TMEM107: variants seen among roughly 807,000 people sequenced by gnomAD.
TMEM107 encodes transmembrane protein 107.
A neutral mutation model predicts 16.8 loss-of-function variants in TMEM107; 18 were observed. The observed-to-expected ratio is 1.07, with a 90% confidence interval of 0.74 to 1.59. The LOEUF (loss-of-function observed/expected upper bound fraction) is 1.59. Ranked by LOEUF, TMEM107 falls within the 40% of genes most tolerant of loss-of-function variation. The pLI is 0.00. For missense variants in TMEM107, 152 were observed against 175.4 expected, an observed-to-expected ratio of 0.87 and a Z score of 0.75; for synonymous variants, 68 against 71.6, an observed-to-expected ratio of 0.95 and a Z score of 0.25.
Position 8,173,261 on chromosome 17 carries a change from T to C in TMEM107, c.*942A>G. On this transcript the variant is annotated 3_prime_UTR_variant, in exon 5 of 5. Coordinates refer to ENST00000437139, the MANE Select transcript of TMEM107 (RefSeq NM_183065.4). Reference sequence around the variant, plus strand: ...ATTTGTATTATTTCACTGCCTAAATTCCAGAAAGCAACAAAAACCAAATCA... The same window carrying C: ...ATTTGTATTATTTCACTGCCTAAATCCCAGAAAGCAACAAAAACCAAATCA... The C allele has an allele frequency of 1.9e-6, 1 of 518,678 alleles. No individual in the cohort carries two copies. Among genetic ancestry groups the C allele is most frequent in the South Asian group, 2.6e-5 (1 of 38,984 alleles). The allele number at this position is 518,678 out of a possible 1,614,324, so 32.1% of individuals were successfully genotyped here.
rs181334320 is a variant in TMEM107, at chr17:8,173,473, G to A, written c.*730C>T. ...GAAAGAATCAGACAGGAGCAATCAG[G>A]GTGTTGCAAGTCCTGATTACGCAGA... On this transcript the variant is annotated 3_prime_UTR_variant, in exon 5 of 5. Transcript: ENST00000437139. The A allele has an allele frequency of 3.5e-3, 2,647 of 764,556 alleles. 8 individuals carry two copies. The highest frequency in any genetic ancestry group is 4.1e-3 in the Non-Finnish European group (1,704 of 417,890). The allele number at this position is 764,556 out of a possible 1,614,324, so 47.4% of individuals were successfully genotyped here. A position where few individuals can be genotyped will look rare whatever the true frequency, so the allele number is the denominator to read the frequency against.
intron 3 of TMEM107, 33 bp from the exon 4 acceptor site, chr17:8,174,649 G>C: frequency 6.3e-7 from 1 of 1,594,982 alleles, no homozygotes; most frequent in Non-Finnish European, 8.6e-7. Flanking sequence ...GAAAGTCTTT[G>C]GATCGACAGA....
intron 3 of TMEM107, chr17:8,175,448 G>A (rs535017316): frequency 3.6e-5 from 21 of 581,704 alleles, no homozygotes; most frequent in African/African-American, 2.6e-4. Context: ...CCTCCTCATT[G>A]TAAAAAGAAA....
Position 8,174,210 on chromosome 17 carries a change from G to A in TMEM107, c.416C>T (p.Pro139Leu). 6.2e-7 allele frequency: 1 copy of A among 1,614,032 alleles called. No individual in the cohort carries two copies. The highest frequency in any genetic ancestry group is 1.6e-4 in the Middle Eastern group (1 of 6,062). ...FVTVFGLKKK[P>L]F ...TTCCCGTCATGAAGGTAATCAGAAG[G>A]GTTTCTTTTTCAGCCCAAAGACGGT... The change falls in exon 5 of 5, where the codon CCC (proline) becomes CTC (leucine). Residue 139 changes from proline (P) to leucine (L), a missense_variant. Physicochemically the swap from Pro to Leu is moderately conservative, Grantham distance 98 (BLOSUM62 -3). Transcript: ENST00000437139.
chr17:8,173,526 A>AATCATCATGTTCT lies in TMEM107; in HGVS notation c.*664_*676dup. 1.3e-6 allele frequency: 1 copy of AATCATCATGTTCT among 765,428 alleles called. No individual in the cohort carries two copies. Among genetic ancestry groups the AATCATCATGTTCT allele is most frequent in the South Asian group, 1.3e-5 (1 of 74,620 alleles). The allele number at this position is 765,428 out of a possible 1,614,324, so 47.4% of individuals were successfully genotyped here. A position where few individuals can be genotyped will look rare whatever the true frequency, so the allele number is the denominator to read the frequency against. On this transcript the variant is annotated 3_prime_UTR_variant, in exon 5 of 5. Transcript: ENST00000437139. The stretch of plus-strand genomic sequence containing the variant: ...CGTTAATCACGTTTCATGCATCTCC[A>AATCATCATGTTCT]ATCATCATGTTCTAATCTGCCCTCC...
At position 8,173,381 on chromosome 17, in the gene TMEM107, T is replaced by A. The variant is rs201782644; in HGVS notation, c.*822A>T. On this transcript the variant is annotated 3_prime_UTR_variant, in exon 5 of 5. Transcript: ENST00000437139. The stretch of plus-strand genomic sequence containing the variant: ...TAGACAAACAGCAAGGTTATCCCAG[T>A]CAGAACTTCATAGCTATGTTTGTGG... 6 of 681,150 alleles carry A rather than the reference T, an allele frequency of 8.8e-6. No individual in the cohort carries two copies. Among genetic ancestry groups the A allele is most frequent in the East Asian group, 2.6e-5 (1 of 38,360 alleles). 42.2% of individuals were successfully genotyped at this position (681,150 alleles called of 1,614,324 possible).
Position 8,173,575 on chromosome 17 carries a change from TC to T in TMEM107, c.*627del. 1 of 764,828 alleles carries T rather than the reference TC, an allele frequency of 1.3e-6. No individual in the cohort carries two copies. 47.4% of individuals were successfully genotyped at this position (764,828 alleles called of 1,614,324 possible). Reference sequence around the variant, plus strand: ...CCGGAGGAGGAACAGGTAAGGATTATCCCACCTGACGATACAGACAAACAGC... The same window carrying T: ...CCGGAGGAGGAACAGGTAAGGATTATCCACCTGACGATACAGACAAACAGC... On this transcript the variant is annotated 3_prime_UTR_variant, in exon 5 of 5. Coordinates refer to ENST00000437139, the MANE Select transcript of TMEM107 (RefSeq NM_183065.4).
In TMEM107 at chr17:8,173,599, A is replaced by T. The variant is rs56346215; in HGVS notation, c.*604T>A. 48 of 759,148 alleles carry T rather than the reference A, an allele frequency of 6.3e-5. 1 individual carries two copies. The highest frequency in any genetic ancestry group is 9.9e-5 in the Non-Finnish European group (41 of 413,846). 47.0% of individuals were successfully genotyped at this position (759,148 alleles called of 1,614,324 possible). The stretch of plus-strand genomic sequence containing the variant: ...ATCCCACCTGACGATACAGACAAAC[A>T]GCCGACATTCTGCACTCAGTGAAAA... On this transcript the variant is annotated 3_prime_UTR_variant, in exon 5 of 5. Transcript: ENST00000437139.
Position 8,173,524 on chromosome 17 carries a change from C to G in TMEM107, c.*679G>C, listed in dbSNP as rs769037861. On this transcript the variant is annotated 3_prime_UTR_variant, in exon 5 of 5. Coordinates refer to ENST00000437139, the MANE Select transcript of TMEM107 (RefSeq NM_183065.4). ...GACGTTAATCACGTTTCATGCATCT[C>G]CAATCATCATGTTCTAATCTGCCCT... 1.3e-5 allele frequency: 10 copies of G among 765,260 alleles called. No individual in the cohort carries two copies. The highest frequency in any genetic ancestry group is 3.4e-5 in the African/African-American group (2 of 59,114). 47.4% of individuals were successfully genotyped at this position (765,260 alleles called of 1,614,324 possible). A position where few individuals can be genotyped will look rare whatever the true frequency, so the allele number is the denominator to read the frequency against.
intron 1 of TMEM107, 56 bp downstream of exon 1, chr17:8,176,144 C>T: frequency 1.9e-6 from 3 of 1,603,670 alleles, no homozygotes; most frequent in Non-Finnish European, 2.6e-6. Flanking sequence ...CAGGGTAGGA[C>T]TAGGACCACT....
Position 8,176,010 on chromosome 17 carries a change from G to A in TMEM107, c.104C>T (p.Ala35Val), listed in dbSNP as rs1567554680. The change falls in exon 2 of 5, where the codon GCC (alanine) becomes GTC (valine). Residue 35 changes from alanine to valine, a missense_variant. By Grantham distance (64) the Ala-to-Val change is moderately conservative. Coordinates refer to ENST00000437139, the MANE Select transcript of TMEM107 (RefSeq NM_183065.4). ...LFWSRDSNIQACLPLTFTPEE... is the reference protein window; with the variant it reads ...LFWSRDSNIQVCLPLTFTPEE... ...GGGGGTGAACGTGAGAGGCAGGCAG[G>A]CCTGTATGTTGCTGTCCTGGGAGCA... 1 of 1,614,238 alleles carries A rather than the reference G, an allele frequency of 6.2e-7. No homozygotes were observed. The highest frequency in any genetic ancestry group is 2.2e-5 in the East Asian group (1 of 44,884).
At position 8,173,642 on chromosome 17, in the gene TMEM107, A is replaced by C; in HGVS notation, c.*561T>G. ...AGTGAAAAAGATTCCGTTACAAGCT[A>C]GGGTGAGTTCATAACGCGCTGGTAT... On this transcript the variant is annotated 3_prime_UTR_variant, in exon 5 of 5. Transcript: ENST00000437139. The C allele has an allele frequency of 1.4e-6, 1 of 738,090 alleles. No homozygotes were observed. The highest frequency in any genetic ancestry group is 2.5e-6 in the Non-Finnish European group (1 of 400,048). 45.7% of individuals were successfully genotyped at this position (738,090 alleles called of 1,614,324 possible). A position where few individuals can be genotyped will look rare whatever the true frequency, so the allele number is the denominator to read the frequency against.
chr17:8,174,708 G>T, intron 3 of TMEM107, 92 bp from the exon 4 acceptor site: 1 of 1,091,882 alleles, frequency 9.2e-7, no homozygotes. Flanking sequence ...TCTGCATTCA[G>T]GTTCATCCCT....
chr17:8,175,997 G>A lies in TMEM107; in HGVS notation c.117C>T (p.Leu39=), dbSNP rs1299732651. The part of the protein sequence containing the change: ...RDSNIQACLP[L]TFTPEEYDKQ... ...TGTCATACTCCTCGGGGGTGAACGT[G>A]AGAGGCAGGCAGGCCTGTATGTTGC... Residue 39 remains leucine (L), a synonymous_variant, in exon 2 of 5, where the codon CTC becomes CTT. Coordinates refer to ENST00000437139, the MANE Select transcript of TMEM107 (RefSeq NM_183065.4). 1 of 1,614,144 alleles carries A rather than the reference G, an allele frequency of 6.2e-7. No homozygotes were observed. Among genetic ancestry groups the A allele is most frequent in the Non-Finnish European group, 8.5e-7 (1 of 1,180,056 alleles).
chr17:8,176,318 G>A lies in TMEM107; in HGVS notation c.-32C>T, dbSNP rs1321148325. ...CGGGGACAAGGGCGGCGGTCTCTGA[G>A]GCTGGAAGTTCAGAGACAGCGACTC... On this transcript the variant is annotated 5_prime_UTR_variant, in exon 1 of 5. Transcript: ENST00000437139. 1.3e-6 allele frequency: 2 copies of A among 1,583,238 alleles called. No individual in the cohort carries two copies. Among genetic ancestry groups the A allele is most frequent in the East Asian group, 4.5e-5 (2 of 44,606 alleles).
In TMEM107 at chr17:8,173,558, G is replaced by A. The variant is rs112608031; in HGVS notation, c.*645C>T. 1.8e-3 allele frequency: 1,361 copies of A among 765,298 alleles called. 3 individuals are homozygous for A. Among genetic ancestry groups the A allele is most frequent in the African/African-American group, 8.8e-3 (522 of 59,230 alleles). The allele number at this position is 765,298 out of a possible 1,614,324, so 47.4% of individuals were successfully genotyped here. On this transcript the variant is annotated 3_prime_UTR_variant, in exon 5 of 5. Transcript: ENST00000437139. ...ATGTTCTAATCTGCCCTCCGGAGGA[G>A]GAACAGGTAAGGATTATCCCACCTG... is the stretch of plus-strand genomic sequence containing the variant.
Position 8,176,307 on chromosome 17 carries a change from G to A in TMEM107, c.-21C>T. 6.2e-7 allele frequency: 1 copy of A among 1,607,660 alleles called. No individual in the cohort carries two copies. ...CCCATGGCCCTCGGGGACAAGGGCG[G>A]CGGTCTCTGAGGCTGGAAGTTCAGA... On this transcript the variant is annotated 5_prime_UTR_variant, in exon 1 of 5. Transcript: ENST00000437139.
intron 3 of TMEM107, chr17:8,174,871 A>G (rs1344835863): frequency 4.1e-6 from 2 of 489,810 alleles, no homozygotes; most frequent in Non-Finnish European, 7.4e-6. Context: ...CCTTCAGATG[A>G]GAGGTAAGAG....
rs527939991 is a variant in TMEM107 at position 8,173,577 on chromosome 17, C to T, written c.*626G>A. On this transcript the variant is annotated 3_prime_UTR_variant, in exon 5 of 5. Transcript: ENST00000437139. ...GGAGGAGGAACAGGTAAGGATTATC[C>T]CACCTGACGATACAGACAAACAGCC... 85 of 764,586 alleles carry T rather than the reference C, an allele frequency of 1.1e-4. No individual in the cohort carries two copies. Among genetic ancestry groups the T allele is most frequent in the Middle Eastern group, 6.8e-4 (3 of 4,434 alleles). The allele number at this position is 764,586 out of a possible 1,614,324, so 47.4% of individuals were successfully genotyped here.
Sources: gnomAD v4.1 joint callset for allele counts on GRCh38, gnomAD v4.1.1 for gene constraint, MANE v1.5 for transcripts, NCBI Gene and HGNC (gene_info 2026-07-23, HGNC 2026-07-21) for gene names.